The following MRC1 variants were observed in gnomAD, a reference collection of about 807,000 sequenced individuals.
MRC1 encodes the protein macrophage mannose receptor 1.
A neutral mutation model predicts 102.9 loss-of-function variants in MRC1; 62 were observed. The observed-to-expected ratio is 0.60, with a 90% CI of 0.49 to 0.74. MRC1 has a LOEUF of 0.74. Ranked by LOEUF, MRC1 falls within the 30% of genes least tolerant of loss-of-function variation. The pLI is 0.00. For synonymous variants in MRC1, 457 were observed against 298.4 expected (o/e 1.53, Z -5.48); for missense variants, 1,237 against 862.8 (o/e 1.43, Z -5.43).
intron 2 of MRC1, among the ~76,000 whole-genome samples, chr10:17,823,998 A>G (rs1838436801): frequency 6.6e-6 from 1 of 152,178 alleles, no homozygotes; most frequent in African/African-American, 2.4e-5. Context: ...GTATTTAGAG[A>G]CTGTAATAAT....
chr10:17,892,102 T>C lies in MRC1; in HGVS notation c.3148-2108T>C, dbSNP rs1396519271. ...AGTTAGTTAGGCACTGGTAAACTTG[T>C]TGCTCTTGAGTGCTGGTCTTATTAA... On this transcript the variant is annotated intron_variant, in intron 22 of 29. Coordinates refer to ENST00000569591, the MANE Select transcript of MRC1 (RefSeq NM_002438.4). Among the ~76,000 whole-genome samples the C allele has an allele frequency of 3.3e-5, 5 of 152,210 alleles. No individual in the cohort carries two copies. In the East Asian group the frequency reaches 7.7e-4, roughly 23 times the overall value.
intron 1 of MRC1, among the ~76,000 whole-genome samples, chr10:17,813,641 A>AT (rs1838258367): frequency 7.1e-6 from 1 of 141,690 alleles, no homozygotes; most frequent in Non-Finnish European, 1.5e-5. Flanking sequence ...TTATATATAT[A>AT]AATATATACA....
At chr10:17,842,015 T>C (rs1161005536) in intron 5 of MRC1, among the ~76,000 whole-genome samples, 9 of 152,200 alleles carry the variant, frequency 5.9e-5, no homozygotes, top group Admixed American at 5.9e-4. Flanking sequence ...CAGGCTGGAG[T>C]GCAGTGGCGC....
intron 4 of MRC1, among the ~76,000 whole-genome samples, chr10:17,839,108 G>A (rs878897709): frequency 0.029 from 4,371 of 152,050 alleles, 215 homozygotes; most frequent in African/African-American, 0.1. Context: ...TATTTATGGG[G>A]CATATACCAT....
intron 23 of MRC1, among the ~76,000 whole-genome samples, chr10:17,897,330 A>C (rs987317480): frequency 8.5e-5 from 13 of 152,290 alleles, no homozygotes; most frequent in Admixed American, 6.5e-4. Context: ...GATTAGAAAC[A>C]CATGCTAGGA....
chr10:17,873,570 G>A (rs1833384290), intron 15 of MRC1, among the ~76,000 whole-genome samples: 1 of 150,806 alleles, frequency 6.6e-6, no homozygotes, highest in South Asian at 2.1e-4. Flanking sequence ...GGCTATTATT[G>A]CACCTAATTT....
intron 17 of MRC1, 50 bp from the exon 18 acceptor site, chr10:17,877,850 C>T: frequency 1.1e-6 from 1 of 870,986 alleles, no homozygotes; most frequent in Non-Finnish European, 2.0e-6. Flanking sequence ...TTAAGAACTT[C>T]CTGATTGTGT....
chr10:17,882,340 A>G (rs1833531997), intron 21 of MRC1, among the ~76,000 whole-genome samples: 1 of 152,168 alleles, frequency 6.6e-6, no homozygotes, highest in African/African-American at 2.4e-5. Flanking sequence ...TGATGGTCAC[A>G]GGGAAATAGA....
At chr10:17,892,642 T>C (rs1554843213) in intron 22 of MRC1, among the ~76,000 whole-genome samples, 1 of 152,232 alleles carries the variant, frequency 6.6e-6, no homozygotes, top group Non-Finnish European at 1.5e-5. Flanking sequence ...GCTCCTTTTT[T>C]TTGTTTTGCT....
intron 3 of MRC1, among the ~76,000 whole-genome samples, chr10:17,830,358 C>T (rs1838551170): frequency 1.3e-5 from 2 of 151,300 alleles, no homozygotes; most frequent in Non-Finnish European, 2.9e-5. Context: ...TCTCGAACTC[C>T]TGACCTCAAA....
At chr10:17,819,954 C>T (rs1008598796) in intron 1 of MRC1, among the ~76,000 whole-genome samples, 4 of 152,118 alleles carry the variant, frequency 2.6e-5, no homozygotes, top group Admixed American at 6.6e-5. Flanking sequence ...CAAAAACAAA[C>T]GAACAAACAA....
intron 14 of MRC1, among the ~76,000 whole-genome samples, 181 bp downstream of exon 14, chr10:17,871,116 A>C (rs1833349286): frequency 6.6e-6 from 1 of 152,108 alleles, no homozygotes; most frequent in African/African-American, 2.4e-5. Flanking sequence ...CCTCTTTTAG[A>C]TCAATAGAAA....
At chr10:17,830,177 A>G (rs1838547369) in intron 3 of MRC1, among the ~76,000 whole-genome samples, 2 of 151,074 alleles carry the variant, frequency 1.3e-5, no homozygotes, top group Non-Finnish European at 2.9e-5. Flanking sequence ...TGTCATCCAG[A>G]CTGGAGTGCA....
intron 1 of MRC1, 24 bp from the exon 2 acceptor site, chr10:17,823,050 T>C (rs946409711): frequency 2.6e-6 from 2 of 780,686 alleles, no homozygotes; most frequent in Non-Finnish European, 4.8e-6. Flanking sequence ...CTTCTTCTTT[T>C]CCTGCTTCTT....
At chr10:17,891,266 A>G (rs1304735049) in intron 22 of MRC1, among the ~76,000 whole-genome samples, 2 of 151,514 alleles carry the variant, frequency 1.3e-5, no homozygotes, top group Non-Finnish European at 2.9e-5. Flanking sequence ...TCCCGGGTTC[A>G]CGCCATTCTC....
At chr10:17,867,867 G>A (rs2130671842) in intron 12 of MRC1, among the ~76,000 whole-genome samples, 1 of 152,296 alleles carries the variant, frequency 6.6e-6, no homozygotes, top group South Asian at 2.1e-4. Context: ...TCTAAAGAGA[G>A]TCCTCCCTTT....
intron 4 of MRC1, among the ~76,000 whole-genome samples, chr10:17,837,600 TTTTTATTTTA>T (rs1345003988): frequency 2.8e-4 from 43 of 151,898 alleles, no homozygotes; most frequent in African/African-American, 9.2e-4. Context: ...AGTCTGTATC[TTTTTATTTTA>T]TTTTATTTTA....
chr10:17,819,449 T>TTG (rs1435126761), intron 1 of MRC1, among the ~76,000 whole-genome samples: 4 of 99,056 alleles, frequency 4.0e-5, no homozygotes, highest in South Asian at 3.7e-4. Flanking sequence ...GAATTCAGAG[T>TTG]TGTATGTGTG....
At chr10:17,869,819 C>T (rs2130674701) in intron 12 of MRC1, among the ~76,000 whole-genome samples, 1 of 152,286 alleles carries the variant, frequency 6.6e-6, no homozygotes, top group African/African-American at 2.4e-5. Flanking sequence ...AAACTGTGCA[C>T]AATTTTAGAA....
Sources: allele counts gnomAD v4.1 joint callset (sites outside exome capture counted in the v4.1 genomes callset), GRCh38; gene constraint gnomAD v4.1.1; transcripts MANE v1.5; gene names NCBI Gene and HGNC (gene_info 2026-07-23, HGNC 2026-07-21).